Variants in LONP2 observed in about 807,000 individuals in gnomAD.
The protein encoded by LONP2 is lon protease homolog 2, peroxisomal.
A neutral mutation model predicts 85.6 loss-of-function variants in LONP2; 60 were observed. That is an observed-to-expected ratio of 0.70 (90% CI 0.57 to 0.87). LONP2 has a LOEUF of 0.87. Ranked by LOEUF, LONP2 falls within the 40% of genes least tolerant of loss-of-function variation. LONP2 has a pLI of 0.00. For synonymous variants in LONP2, 395 were observed against 389.7 expected (o/e 1.01, Z -0.16); for missense variants, 860 against 1,063.5 (o/e 0.81, Z 2.66).
chr16:48,246,250 T>C lies in LONP2; in HGVS notation c.233+1629T>C, dbSNP rs551092436. Among the ~76,000 whole-genome samples, 6 of 152,322 alleles carry C rather than the reference T, an allele frequency of 3.9e-5. No homozygotes were observed. The South Asian group carries it at 1.0e-3, about 26-fold the overall frequency. The stretch of plus-strand genomic sequence containing the variant: ...ATTTTGGCTCCCATCTGACCTGCTT[T>C]GGTTATTGCCTGAGTGGAATTGGTC... On this transcript the variant is annotated intron_variant, in intron 1 of 14. Transcript: ENST00000285737.
intron 12 of LONP2, chr16:48,345,551 T>C (rs1959936955): frequency 6.6e-6 from 1 of 152,236 alleles, no homozygotes; most frequent in South Asian, 2.1e-4. Context: ...TTTCCTTAAG[T>C]AGTACTGATC....
intron 11 of LONP2, among the ~76,000 whole-genome samples, chr16:48,320,795 C>T (rs554631400): frequency 2.8e-4 from 42 of 151,964 alleles, no homozygotes; most frequent in Non-Finnish European, 3.5e-4. Flanking sequence ...CTGTACAGAC[C>T]GGGAGGAAGC....
rs957823880 is a variant in LONP2 at position 48,356,483 on chromosome 16, C to T, written c.*4681C>T. 6 of 154,056 alleles carry T rather than the reference C, an allele frequency of 3.9e-5. No homozygotes were observed. The highest frequency in any genetic ancestry group is 1.5e-4 in the African/African-American group (6 of 39,942). The allele number at this position is 154,056 out of a possible 1,614,324, so 9.5% of individuals were successfully genotyped here. On this transcript the variant is annotated 3_prime_UTR_variant, in exon 15 of 15. Coordinates refer to ENST00000285737, the MANE Select transcript of LONP2 (RefSeq NM_031490.5). ...CACATTATTTGAAGTACTTCAGTTC[C>T]TATTGCCATGAAAATTGTATCCAGC...
chr16:48,347,797 C>T (rs1597004591), intron 13 of LONP2, 83 bp downstream of exon 13: 3 of 1,276,184 alleles, frequency 2.4e-6, no homozygotes, highest in Non-Finnish European at 3.3e-6. Context: ...CTCGAGACTG[C>T]CAGTTACACA....
chr16:48,333,752 GAA>G (rs1411613524), intron 11 of LONP2, among the ~76,000 whole-genome samples: 1 of 152,142 alleles, frequency 6.6e-6, no homozygotes, highest in African/African-American at 2.4e-5. Flanking sequence ...AGAGGGAATT[GAA>G]AAGTTTGTCA....
chr16:48,321,688 A>T (rs938794366), intron 11 of LONP2, among the ~76,000 whole-genome samples: 9 of 152,232 alleles, frequency 5.9e-5, no homozygotes, highest in African/African-American at 2.2e-4. Flanking sequence ...TATACTGAAT[A>T]CTGTAGGCAA....
At chr16:48,306,689 A>G (rs2151004300) in intron 11 of LONP2, among the ~76,000 whole-genome samples, 1 of 152,318 alleles carries the variant, frequency 6.6e-6, no homozygotes, top group Middle Eastern at 3.4e-3. Flanking sequence ...TAGAATGATT[A>G]TTAGGTGTCC....
chr16:48,265,300 G>A (rs1247505446), intron 6 of LONP2, among the ~76,000 whole-genome samples: 1 of 152,268 alleles, frequency 6.6e-6, no homozygotes, highest in South Asian at 2.1e-4. Flanking sequence ...CCAGACCAAT[G>A]TCAAGGAGCT....
chr16:48,293,162 CTCATGCCTGTAA>C (rs1972590971), intron 8 of LONP2, among the ~76,000 whole-genome samples: 1 of 152,138 alleles, frequency 6.6e-6, no homozygotes, highest in South Asian at 2.1e-4. Flanking sequence ...GGCATGGTGG[CTCATGCCTGTAA>C]TCCCAGCACT....
intron 12 of LONP2, among the ~76,000 whole-genome samples, chr16:48,337,024 G>C (rs1959668902): frequency 6.6e-6 from 1 of 152,214 alleles, no homozygotes; most frequent in South Asian, 2.1e-4. Flanking sequence ...AAGATTTATG[G>C]AACATTTCTT....
At chr16:48,271,707 C>A (rs918059200) in intron 7 of LONP2, among the ~76,000 whole-genome samples, 3 of 151,966 alleles carry the variant, frequency 2.0e-5, no homozygotes, top group Non-Finnish European at 4.4e-5. Flanking sequence ...CTTGGTGACA[C>A]CCCATCTCTA....
chr16:48,348,594 A>G (rs1439581072), intron 14 of LONP2, among the ~76,000 whole-genome samples: 1 of 149,858 alleles, frequency 6.7e-6, no homozygotes, highest in Non-Finnish European at 1.5e-5. Context: ...TCCTGGGCTC[A>G]AGCGATCCTC....
chr16:48,361,613 A>G (rs1451263836), downstream of LONP2: 2 of 1,612,994 alleles, frequency 1.2e-6, no homozygotes, highest in Non-Finnish European at 1.7e-6. Flanking sequence ...TGATGCCTAA[A>G]TTGCCATTTT....
rs1017056021 is a variant in LONP2, at chr16:48,355,236, C to T, written c.*3434C>T. On this transcript the variant is annotated 3_prime_UTR_variant, in exon 15 of 15. Coordinates refer to ENST00000285737, the MANE Select transcript of LONP2 (RefSeq NM_031490.5). ...CAAATTCGTATGTTGAAGCAACCAC[C>T]AACGTGATAGGTGAGGCTTTAGGAG... The T allele has an allele frequency of 3.9e-5, 6 of 152,196 alleles. No individual in the cohort carries two copies. The highest frequency in any genetic ancestry group is 1.4e-4 in the African/African-American group (6 of 41,528). 9.4% of individuals were successfully genotyped at this position (152,196 alleles called of 1,614,324 possible).
intron 11 of LONP2, among the ~76,000 whole-genome samples, chr16:48,326,240 A>C (rs1959235370): frequency 6.6e-6 from 1 of 152,236 alleles, no homozygotes; most frequent in Non-Finnish European, 1.5e-5. Flanking sequence ...AAACAGTAGT[A>C]GTCCTTTCTT....
chr16:48,277,367 G>C lies in LONP2; in HGVS notation c.1271G>C (p.Arg424Pro), dbSNP rs754218368. ...ACCTATGTTGGCAGCATGCCTGGTC[G>C]CATCATCAACGGCTTGAAGACTGTG... ...RRTYVGSMPGRIINGLKTVGV... is the reference protein window; with the variant it reads ...RRTYVGSMPGPIINGLKTVGV... The change falls in exon 8 of 15, where the codon CGC becomes CCC. Residue 424 changes from arginine to proline, a missense_variant. Physicochemically the swap from Arg to Pro is moderately radical, Grantham distance 103. This residue lies in a region of LONP2 where 743 missense variants were observed against 917.3 expected (regional missense o/e 0.81). Coordinates refer to ENST00000285737, the MANE Select transcript of LONP2 (RefSeq NM_031490.5). 1 of 1,613,056 alleles carries C rather than the reference G, an allele frequency of 6.2e-7. No individual in the cohort carries two copies. The highest frequency in any genetic ancestry group is 1.7e-5 in the Admixed American group (1 of 59,886).
intron 8 of LONP2, among the ~76,000 whole-genome samples, chr16:48,281,173 G>A (rs1972318950): frequency 6.6e-6 from 1 of 152,132 alleles, no homozygotes; most frequent in South Asian, 2.1e-4. Flanking sequence ...GAATGTAATA[G>A]TAGATGTAAA....
At chr16:48,322,721 T>A (rs1973292750) in intron 11 of LONP2, among the ~76,000 whole-genome samples, 1 of 152,002 alleles carries the variant, frequency 6.6e-6, no homozygotes, top group Non-Finnish European at 1.5e-5. Flanking sequence ...AAAATATATA[T>A]AAGAATAAAA....
At chr16:48,291,520 C>T (rs1972556632) in intron 8 of LONP2, among the ~76,000 whole-genome samples, 1 of 152,182 alleles carries the variant, frequency 6.6e-6, no homozygotes, top group East Asian at 1.9e-4. Flanking sequence ...ACTTCACATT[C>T]CTAGGAATAA....
Sources: gnomAD v4.1 joint callset for allele counts (sites outside exome capture counted in the v4.1 genomes callset) on GRCh38, gnomAD v4.1.1 for gene constraint, gnomAD v4.1.1 regional missense constraint, MANE v1.5 for transcripts, NCBI Gene and HGNC (gene_info 2026-07-23, HGNC 2026-07-21) for gene names.